SACS: variants seen among roughly 807,000 people sequenced by gnomAD.
SACS encodes the protein sacsin molecular chaperone.
A neutral mutation model predicts 348.0 loss-of-function variants in SACS; 197 were observed. The observed-to-expected ratio is 0.57, with a 90% confidence interval of 0.50 to 0.64. The LOEUF is 0.64. SACS is among the 30% of genes least tolerant of loss of function. The probability of loss-of-function intolerance (pLI) is 0.00; values close to 1 mark genes in which losing one functional copy is unlikely to be tolerated. For synonymous variants in SACS, 1,985 were observed against 1,910.6 expected (o/e 1.04, Z -1.02); for missense variants, 4,999 against 5,360.8 (o/e 0.93, Z 2.11).
Position 23,332,785 on chromosome 13 carries a change from G to A in SACS, c.11091C>T (p.Leu3697=), listed in dbSNP as rs369430972. The A allele has an allele frequency of 6.1e-5, 99 of 1,613,812 alleles. No individual in the cohort carries two copies. The highest frequency in any genetic ancestry group is 7.8e-5 in the Non-Finnish European group (92 of 1,179,954). Residue 3697 remains leucine (L), a synonymous_variant, in exon 10 of 10, where the codon CTC becomes CTT. Coordinates refer to ENST00000382292, the MANE Select transcript of SACS (RefSeq NM_014363.6). The stretch of plus-strand genomic sequence containing the variant: ...TAGGGCAGGATGTCCATAACAGCTG[G>A]AGTACATCACATTGCTTGAATTTTG... The part of the protein sequence containing the change: ...VNPKFKQCDV[L]QLLWTSCPIL...
At position 23,354,955 on chromosome 13, in the gene SACS, A is replaced by T. The variant is rs1229977715; in HGVS notation, c.1657T>A (p.Phe553Ile). The change falls in exon 8 of 10, where the codon TTC (phenylalanine) becomes ATC (isoleucine). Residue 553 changes from phenylalanine (F) to isoleucine (I), a missense_variant. Phe to Ile is a conservative substitution (Grantham distance 21). This residue lies in a region of SACS where 3,156 missense variants were observed against 3,380.1 expected (regional missense o/e 0.93). Transcript: ENST00000382292. ...VHWQPVLEPLFSELLQNAVIY... is the reference protein window; with the variant it reads ...VHWQPVLEPLISELLQNAVIY... ...ACTGCATTCTGCAACAGCTCGCTGA[A>T]TAGAGGCTCTAACACCGGTTGCCAG... is the stretch of plus-strand genomic sequence containing the variant. The T allele has an allele frequency of 6.2e-7, 1 of 1,614,124 alleles. No individual in the cohort carries two copies. The highest frequency in any genetic ancestry group is 8.5e-7 in the Non-Finnish European group (1 of 1,180,052).
rs2137635207 is a variant in SACS, at chr13:23,340,414, T to G, written c.3462A>C (p.Ile1154=). The G allele has an allele frequency of 1.2e-6, 2 of 1,614,176 alleles. No homozygotes were observed. Among genetic ancestry groups the G allele is most frequent in the Non-Finnish European group, 1.7e-6 (2 of 1,180,034 alleles). Residue 1154 remains isoleucine (I), a synonymous_variant, in exon 10 of 10, where the codon ATA becomes ATC. Transcript: ENST00000382292. The part of the protein sequence containing the change: ...SSEGKMTLKK[I]KWVPACKERP... ...TTTCCTTGCAGGCTGGAACCCATTT[T>G]ATTTTCTTCAATGTCATCTTTCCTT...
chr13:23,404,108 G>T (rs1485004066), intron 2 of SACS, among the ~76,000 whole-genome samples: 1 of 152,340 alleles, frequency 6.6e-6, no homozygotes, highest in East Asian at 1.9e-4. Context: ...TGGTCTGAAA[G>T]ACTGTTGGTT....
intron 1 of SACS, among the ~76,000 whole-genome samples, chr13:23,414,095 G>A (rs888544693): frequency 3.9e-5 from 6 of 152,112 alleles, no homozygotes; most frequent in African/African-American, 1.4e-4. Flanking sequence ...ACGAGGTCAG[G>A]AGATCCAGAC....
At chr13:23,353,970 CTA>C (rs1566078842) in intron 8 of SACS, 94 bp from the exon 9 acceptor site, 1 of 793,266 alleles carries the variant, frequency 1.3e-6, no homozygotes, top group African/African-American at 1.7e-5. Flanking sequence ...GTTAAGCCGA[CTA>C]TTTTATTTTA....
intron 2 of SACS, among the ~76,000 whole-genome samples, chr13:23,393,070 TA>T (rs948247391): frequency 5.9e-5 from 9 of 152,130 alleles, no homozygotes; most frequent in African/African-American, 2.2e-4. Context: ...TGCAGGGCAG[TA>T]ACGTCTTTCA....
Position 23,330,421 on chromosome 13 carries a change from C to T in SACS, c.13455G>A (p.Leu4485=). 6.2e-7 allele frequency: 1 copy of T among 1,614,178 alleles called. No homozygotes were observed. Residue 4485 remains leucine, a synonymous_variant, in exon 10 of 10, where the codon TTG becomes TTA. Transcript: ENST00000382292. Reference sequence around the variant, plus strand: ...CCCTCACAGCATAGTCAGCTGCAATCAAAGCTAACTTGGTAGAAAGGTAAC... The same window carrying T: ...CCCTCACAGCATAGTCAGCTGCAATTAAAGCTAACTTGGTAGAAAGGTAAC... ...FKCYLSTKLA[L]IAADYAVRGK... is the part of the protein sequence containing the mutation.
Position 23,386,701 on chromosome 13 carries a change from G to A in SACS, c.21-11432C>T, listed in dbSNP as rs564444126. On this transcript the variant is annotated intron_variant, in intron 2 of 9. Transcript: ENST00000382292. ...CAAGAGGCCTGGCTTTCCTGTCTTG[G>A]CTTTCAACCTGCCTTCCTCACTAAG... Among the ~76,000 whole-genome samples, 147 of 152,248 alleles carry A rather than the reference G, an allele frequency of 9.7e-4. 1 individual carries two copies. The highest frequency in any genetic ancestry group is 3.5e-3 in the African/African-American group (145 of 41,546).
Position 23,339,687 on chromosome 13 carries a change from C to T in SACS, c.4189G>A (p.Glu1397Lys), listed in dbSNP as rs561282342. The T allele has an allele frequency of 9.3e-6, 15 of 1,613,816 alleles. No homozygotes were observed. The highest frequency in any genetic ancestry group is 2.2e-5 in the South Asian group (2 of 91,054). ...ACTTTAATGTCACAATAACAGCATT[C>T]GTGAATTGGCTTCATGATAAGTTTA... ...PSKLIMKPIH[E>K]CCYCDIKVDD... The change falls in exon 10 of 10, where the codon GAA becomes AAA. Residue 1397 changes from glutamate (E) to lysine (K), a missense_variant. By Grantham distance (56) the Glu-to-Lys change is moderately conservative. Around this residue, in one of 6 missense-constraint regions of SACS, gnomAD observed 3,156 missense variants for 3,380.1 expected, o/e 0.93. Transcript: ENST00000382292.
chr13:23,333,176 T>C lies in SACS; in HGVS notation c.10700A>G (p.Glu3567Gly), dbSNP rs752123194. ...ATGATTTTTGGGTTTTATAAGTTGT[T>C]CCAATTTCTTAAAGAAATCATTAGG... Reference protein sequence around the residue: ...FIPNDFFKKLEQLIKPKNHVT... With the variant: ...FIPNDFFKKLGQLIKPKNHVT... Residue 3567 changes from glutamate (E) to glycine (G), a missense_variant, in exon 10 of 10, where the codon GAA becomes GGA. Glu to Gly is a moderately conservative substitution (Grantham distance 98). Around this residue, in one of 6 missense-constraint regions of SACS, gnomAD observed 831 missense variants for 941.8 expected, o/e 0.88. Coordinates refer to ENST00000382292, the MANE Select transcript of SACS (RefSeq NM_014363.6). The C allele has an allele frequency of 1.2e-6, 2 of 1,605,268 alleles. No homozygotes were observed. Among genetic ancestry groups the C allele is most frequent in the Non-Finnish European group, 1.7e-6 (2 of 1,176,664 alleles).
Position 23,329,499 on chromosome 13 carries a change from T to C in SACS, c.*637A>G. On this transcript the variant is annotated 3_prime_UTR_variant, in exon 10 of 10. Transcript: ENST00000382292. ...AAACAGGAAGCCTGTAAACATAAGATGTTAAAAAAAAATTTAAATAAAGAT... is the reference window on the plus strand; with the variant it reads ...AAACAGGAAGCCTGTAAACATAAGACGTTAAAAAAAAATTTAAATAAAGAT... 1.3e-6 allele frequency: 1 copy of C among 742,644 alleles called. No individual in the cohort carries two copies. Among genetic ancestry groups the C allele is most frequent in the Admixed American group, 2.0e-5 (1 of 50,424 alleles). 46.0% of individuals were successfully genotyped at this position (742,644 alleles called of 1,614,324 possible).
Position 23,355,604 on chromosome 13 carries a change from A to T in SACS, c.1008T>A (p.Ser336Arg), listed in dbSNP as rs1416475869. The T allele has an allele frequency of 6.2e-7, 1 of 1,613,944 alleles. No homozygotes were observed. Among genetic ancestry groups the T allele is most frequent in the Non-Finnish European group, 8.5e-7 (1 of 1,180,000 alleles). Reference sequence around the variant, plus strand: ...GCTCATGTTTCAGTGCCTTACTCTCACTCGAAGTCACTCTAAACACCAGTT... The same window carrying T: ...GCTCATGTTTCAGTGCCTTACTCTCTCTCGAAGTCACTCTAAACACCAGTT... ...TEKLVFRVTSSESKALKHERP... is the reference protein window; with the variant it reads ...TEKLVFRVTSRESKALKHERP... Residue 336 changes from serine (S) to arginine (R), a missense_variant, in exon 8 of 10, where the codon AGT becomes AGA. Physicochemically the swap from Ser to Arg is moderately radical, Grantham distance 110 (BLOSUM62 -1). Transcript: ENST00000382292.
rs968562650 is a variant in SACS, at chr13:23,331,434, G to A, written c.12442C>T (p.Pro4148Ser). The A allele has an allele frequency of 2.5e-6, 4 of 1,613,828 alleles. No individual in the cohort carries two copies. The highest frequency in any genetic ancestry group is 3.3e-5 in the Admixed American group (2 of 59,986). The change falls in exon 10 of 10, where the codon CCA becomes TCA. Residue 4148 changes from proline to serine, a missense_variant. By Grantham distance (74) the Pro-to-Ser change is moderately conservative (BLOSUM62 -1). This residue lies in a region of SACS where 831 missense variants were observed against 941.8 expected (regional missense o/e 0.88). Coordinates refer to ENST00000382292, the MANE Select transcript of SACS (RefSeq NM_014363.6). ...SLGVKYDSSE[P>S]SKLELPMPGT... is the part of the protein sequence containing the mutation. ...GGCATTGGAAGTTCCAGTTTTGATG[G>A]CTCCGAAGAGTCATATTTCACTCCT... is the stretch of plus-strand genomic sequence containing the variant.
intron 4 of SACS, 24 bp downstream of exon 4, chr13:23,371,054 C>T (rs751025258): frequency 1.4e-6 from 2 of 1,443,584 alleles, no homozygotes; most frequent in Non-Finnish European, 1.9e-6. Context: ...ATGGTATATA[C>T]TTCTGGTAAA....
chr13:23,356,677 A>G (rs1313517757), intron 7 of SACS, among the ~76,000 whole-genome samples: 1 of 152,218 alleles, frequency 6.6e-6, no homozygotes, highest in African/African-American at 2.4e-5. Context: ...CAGAAAAACC[A>G]GATGTGTGAG....
At position 23,330,080 on chromosome 13, in the gene SACS, C is replaced by A; in HGVS notation, c.*56G>T. The stretch of plus-strand genomic sequence containing the variant: ...GGCAATGAAGCTTAATGAAGTACAG[C>A]AATTTATTCGTGCTACAACACATTC... On this transcript the variant is annotated 3_prime_UTR_variant, in exon 10 of 10. Transcript: ENST00000382292. The A allele has an allele frequency of 6.8e-7, 1 of 1,471,278 alleles. No homozygotes were observed. Among genetic ancestry groups the A allele is most frequent in the Non-Finnish European group, 9.4e-7 (1 of 1,059,164 alleles). The allele number at this position is 1,471,278 out of a possible 1,614,324, so 91.1% of individuals were successfully genotyped here.
chr13:23,354,105 C>T (rs186983461), intron 8 of SACS, among the ~76,000 whole-genome samples: 1 of 152,330 alleles, frequency 6.6e-6, no homozygotes, highest in East Asian at 1.9e-4. Flanking sequence ...TTCTCAACAT[C>T]TTACAGTAAA....
At chr13:23,406,606 C>T (rs945186490) in intron 2 of SACS, among the ~76,000 whole-genome samples, 2 of 152,136 alleles carry the variant, frequency 1.3e-5, no homozygotes, top group Non-Finnish European at 2.9e-5. Context: ...AAACACTTCT[C>T]TTACCATGAA....
At chr13:23,373,329 G>T (rs1211858497) in intron 3 of SACS, 1 of 152,422 alleles carries the variant, frequency 6.6e-6, no homozygotes, top group Non-Finnish European at 1.5e-5. Flanking sequence ...ATGCTGGGGT[G>T]AGGCCCTCAC....
Sources: gnomAD v4.1 joint callset for allele counts (sites outside exome capture counted in the v4.1 genomes callset) on GRCh38, gnomAD v4.1.1 for gene constraint, gnomAD v4.1.1 regional missense constraint, MANE v1.5 for transcripts, NCBI Gene and HGNC (gene_info 2026-07-23, HGNC 2026-07-21) for gene names.